C7orf57: variants seen among roughly 807,000 people sequenced by gnomAD.
C7orf57 encodes chromosome 7 open reading frame 57, also known as uncharacterized protein C7orf57.
In C7orf57, 33 loss-of-function variants were observed where a neutral mutation model predicts 39.0. The observed-to-expected ratio is 0.85, with a 90% CI of 0.64 to 1.13. The LOEUF is 1.13. C7orf57 is among the 50% of genes most tolerant of loss of function. The pLI is 0.00. For synonymous variants in C7orf57, 124 were observed against 137.1 expected, an observed-to-expected ratio of 0.90 and a Z score of 0.67; for missense variants, 346 against 362.3, an observed-to-expected ratio of 0.95 and a Z score of 0.37.
At chr7:48,044,927 A>G (rs888579914) in intron 4 of C7orf57, among the ~76,000 whole-genome samples, 8 of 152,224 alleles carry the variant, frequency 5.3e-5, no homozygotes, top group African/African-American at 1.7e-4. Context: ...TACCACAAAT[A>G]TATTTCCAAG....
intron 5 of C7orf57, among the ~76,000 whole-genome samples, chr7:48,047,526 G>C (rs1790751816): frequency 6.6e-6 from 1 of 152,132 alleles, no homozygotes; most frequent in Non-Finnish European, 1.5e-5. Context: ...AAACCCCTCA[G>C]TTTATTTTGG....
At chr7:48,041,616 G>T in intron 3 of C7orf57, 97 bp downstream of exon 3, 1 of 1,047,174 alleles carries the variant, frequency 9.5e-7, no homozygotes, top group Non-Finnish European at 1.3e-6. Flanking sequence ...TTACTACAGA[G>T]TCTGTATGTT....
At position 48,050,433 on chromosome 7, in the gene C7orf57, G is replaced by C. The variant is rs867874423; in HGVS notation, c.605+456G>C. 2.6e-5 allele frequency among the ~76,000 whole-genome samples: 4 copies of C among 152,176 alleles called. No individual in the cohort carries two copies. In the South Asian group the frequency reaches 8.3e-4, roughly 31 times the overall value. ...AGATATAGCAGACACACTGACATTT[G>C]CTGATCCTCCAGCTGCAGAGTGAAA... is the stretch of plus-strand genomic sequence containing the variant. On this transcript the variant is annotated intron_variant, in intron 6 of 8. Coordinates refer to ENST00000348904, the MANE Select transcript of C7orf57 (RefSeq NM_001100159.3).
At chr7:48,045,264 C>T (rs897351209) in intron 4 of C7orf57, among the ~76,000 whole-genome samples, 1 of 147,748 alleles carries the variant, frequency 6.8e-6, no homozygotes, top group Non-Finnish European at 1.5e-5. Flanking sequence ...TATAACTTAA[C>T]ATGCTTTTTG....
Position 48,036,294 on chromosome 7 carries a change from G to A in C7orf57, c.-15G>A, listed in dbSNP as rs1247936252. On this transcript the variant is annotated 5_prime_UTR_variant, in exon 2 of 9. The change creates a new upstream start codon in the 5' untranslated region. Coordinates refer to ENST00000348904, the MANE Select transcript of C7orf57 (RefSeq NM_001100159.3). ...GGCAGCATCTGTCTTTTCCCGCAGC[G>A]TGCAGCGCCTGACCATGAGGAACAC... 2 of 1,576,338 alleles carry A rather than the reference G, an allele frequency of 1.3e-6. No individual in the cohort carries two copies. Among genetic ancestry groups the A allele is most frequent in the Middle Eastern group, 1.7e-4 (1 of 6,022 alleles).
chr7:48,052,638 C>A, intron 6 of C7orf57, 62 bp from the exon 7 acceptor site: 1 of 1,418,674 alleles, frequency 7.0e-7, no homozygotes, highest in African/African-American at 1.4e-5. Flanking sequence ...TCACGGAATA[C>A]TGCTTCTGCT....
At chr7:48,037,851 G>A (rs1244555141) in intron 2 of C7orf57, among the ~76,000 whole-genome samples, 1 of 151,982 alleles carries the variant, frequency 6.6e-6, no homozygotes, top group Admixed American at 6.6e-5. Context: ...TCCTTTGTAT[G>A]CATTTACAAA....
intron 3 of C7orf57, 156 bp downstream of exon 3, chr7:48,041,675 A>T (rs929250143): frequency 3.7e-6 from 2 of 534,570 alleles, no homozygotes; most frequent in African/African-American, 3.9e-5. Flanking sequence ...AGGGATGAGC[A>T]TGATCTCCAG....
chr7:48,058,351 GT>G (rs993400716), intron 8 of C7orf57, among the ~76,000 whole-genome samples: 17 of 147,586 alleles, frequency 1.2e-4, no homozygotes, highest in Middle Eastern at 3.5e-3. Context: ...TGGGAGAGTT[GT>G]TTTTTTTTTA....
intron 8 of C7orf57, among the ~76,000 whole-genome samples, chr7:48,057,522 A>C (rs1358833969): frequency 1.3e-5 from 2 of 152,016 alleles, no homozygotes. Flanking sequence ...TTTTTGGTGG[A>C]GTCTTTAGGG....
In C7orf57 at chr7:48,035,735, G is replaced by A. The variant is rs577006185; in HGVS notation, c.-102+105G>A. ...CGGGCAGTGCGCGCCGGGGCTGGAG[G>A]GAGGGGACCACCTTGTCGCCGGGTT... On this transcript the variant is annotated intron_variant, in intron 1 of 8. Transcript: ENST00000348904. This position sits in a 1 kb window ranked among gnomAD's most constrained non-coding sequence, Gnocchi z 4.0. The A allele has an allele frequency of 4.4e-4, 255 of 585,482 alleles. No homozygotes were observed. The African/African-American group carries it at 4.5e-3, about 10-fold the overall frequency. The allele number at this position is 585,482 out of a possible 1,614,324, so 36.3% of individuals were successfully genotyped here.
chr7:48,056,824 T>G (rs1234484401), intron 8 of C7orf57, among the ~76,000 whole-genome samples: 1 of 152,152 alleles, frequency 6.6e-6, no homozygotes, highest in Non-Finnish European at 1.5e-5. Context: ...GAGATGAAGA[T>G]CCAATTTTCT....
At chr7:48,051,745 T>TTTTCTTTTCTTTCTTTCTTTC (rs1790896103) in intron 6 of C7orf57, among the ~76,000 whole-genome samples, 3 of 58,552 alleles carry the variant, frequency 5.1e-5, no homozygotes, top group East Asian at 9.5e-4. Context: ...TTTTCTTTCT[T>TTTTCTTTTCTTTCTTTCTTTC]TTTCTTTTCT....
chr7:48,050,585 C>T (rs1790846047), intron 6 of C7orf57, among the ~76,000 whole-genome samples: 1 of 152,166 alleles, frequency 6.6e-6, no homozygotes, highest in Admixed American at 6.5e-5. Context: ...CAATCAGATA[C>T]ATTGCATTGT....
rs1040153579 is a variant in C7orf57, at chr7:48,043,582, C to G, written c.343C>G (p.Gln115Glu). ...CCACAGCAAGCCACCGACAGCCAGC[C>G]AGCAAGAGTAAGTACCTTAAAGCAC... is the stretch of plus-strand genomic sequence containing the variant. Reference protein sequence around the residue: ...IHHSKPPTASQQEVRAVSMPD... With the variant: ...IHHSKPPTASEQEVRAVSMPD... The change falls in exon 4 of 9, where the codon CAG (glutamine) becomes GAG (glutamate). Residue 115 changes from glutamine (Q) to glutamate (E), a missense_variant. Gln to Glu is a conservative substitution (Grantham distance 29). Coordinates refer to ENST00000348904, the MANE Select transcript of C7orf57 (RefSeq NM_001100159.3). 1.9e-6 allele frequency: 3 copies of G among 1,613,256 alleles called. No individual in the cohort carries two copies. The highest frequency in any genetic ancestry group is 1.3e-5 in the African/African-American group (1 of 74,878).
At chr7:48,056,502 C>T (rs563264000) in intron 8 of C7orf57, among the ~76,000 whole-genome samples, 1 of 151,792 alleles carries the variant, frequency 6.6e-6, no homozygotes, top group Admixed American at 6.6e-5. Flanking sequence ...GTGTTCTGTC[C>T]AAAAAATCAT....
At chr7:48,052,328 G>A (rs1790978691) in intron 6 of C7orf57, among the ~76,000 whole-genome samples, 1 of 152,142 alleles carries the variant, frequency 6.6e-6, no homozygotes, top group African/African-American at 2.4e-5. Flanking sequence ...CCATTACTAT[G>A]AGGGAAGGGC....
At chr7:48,040,651 C>T (rs1188966190) in intron 2 of C7orf57, among the ~76,000 whole-genome samples, 4 of 151,962 alleles carry the variant, frequency 2.6e-5, no homozygotes, top group Non-Finnish European at 5.9e-5. Context: ...GATGAATTCT[C>T]ATGTGGGGAG....
intron 8 of C7orf57, among the ~76,000 whole-genome samples, chr7:48,054,970 G>A (rs941826835): frequency 1.3e-5 from 2 of 152,066 alleles, no homozygotes; most frequent in Non-Finnish European, 2.9e-5. Context: ...TCCGCCTCCC[G>A]GGTTCACGCC....
Sources: gnomAD v4.1 joint callset for allele counts (sites outside exome capture counted in the v4.1 genomes callset) on GRCh38, gnomAD v4.1.1 for gene constraint, Gnocchi (gnomAD v3.1) non-coding constraint, MANE v1.5 for transcripts, NCBI Gene and HGNC (gene_info 2026-07-23, HGNC 2026-07-21) for gene names.